Variants in DCC observed in about 807,000 individuals in gnomAD.
The protein encoded by DCC is netrin receptor DCC.
DCC carries 58 observed loss-of-function variants against 172.5 expected under a neutral mutation model. The ratio of observed to expected loss-of-function variants is 0.34; its 90% CI spans 0.27 to 0.42. The LOEUF is 0.42. DCC is among the 10% of genes least tolerant of loss of function. The pLI, the probability that DCC is intolerant of heterozygous loss-of-function variation, is 1.00. For synonymous variants in DCC, 709 were observed against 644.5 expected (o/e 1.10, Z -1.52); for missense variants, 1,740 against 1,791.0 (o/e 0.97, Z 0.51).
At chr18:53,230,925 T>G (rs1416581332) in intron 12 of DCC, among the ~76,000 whole-genome samples, 1 of 152,096 alleles carries the variant, frequency 6.6e-6, no homozygotes. Flanking sequence ...GTTTGAAGTC[T>G]ACTTTTCCTT....
chr18:53,380,786 T>C (rs1222522755), intron 15 of DCC, among the ~76,000 whole-genome samples: 1 of 152,190 alleles, frequency 6.6e-6, no homozygotes, highest in Non-Finnish European at 1.5e-5. Flanking sequence ...TCAGGACTCC[T>C]AGCTCTATGG....
intron 15 of DCC, among the ~76,000 whole-genome samples, chr18:53,379,204 C>T (rs1054956038): frequency 3.3e-5 from 5 of 152,260 alleles, no homozygotes; most frequent in African/African-American, 1.2e-4. Context: ...GTTAGCAAAG[C>T]AGCTACCACT....
intron 5 of DCC, among the ~76,000 whole-genome samples, chr18:53,017,020 T>C (rs1247035044): frequency 6.6e-6 from 1 of 152,052 alleles, no homozygotes; most frequent in East Asian, 1.9e-4. Context: ...TTACTCACTT[T>C]AGTTTTATAA....
In DCC at chr18:52,879,412, CTTTTTTTTTTTTTT is replaced by C. The variant is rs71175533; in HGVS notation, c.413-26616_413-26603del. Among the ~76,000 whole-genome samples the C allele has an allele frequency of 6.9e-4, 43 of 62,326 alleles. 1 individual carries two copies. Among genetic ancestry groups the C allele is most frequent in the Middle Eastern group, 0.011 (1 of 90 alleles). 40.9% of individuals were successfully genotyped at this position (62,326 alleles called of 152,430 possible). A position where few individuals can be genotyped will look rare whatever the true frequency, so the allele number is the denominator to read the frequency against. Reference sequence around the variant, plus strand: ...AATTTCTAGCCCATATGTTGTTTGGCTTTTTTTTTTTTTTTTTTTTTTTTTTTTTGAGATGGAGT... The same window carrying C: ...AATTTCTAGCCCATATGTTGTTTGGCTTTTTTTTTTTTTTTGAGATGGAGT... On this transcript the variant is annotated intron_variant, in intron 2 of 28. Coordinates refer to ENST00000442544, the MANE Select transcript of DCC (RefSeq NM_005215.4).
chr18:52,789,753 G>T (rs2037724989), intron 2 of DCC, among the ~76,000 whole-genome samples: 1 of 152,128 alleles, frequency 6.6e-6, no homozygotes, highest in Non-Finnish European at 1.5e-5. Flanking sequence ...ACTCCATTTT[G>T]TTTCCAGCCC....
chr18:52,767,894 T>A (rs1250195868), intron 2 of DCC, among the ~76,000 whole-genome samples: 1 of 152,162 alleles, frequency 6.6e-6, no homozygotes, highest in East Asian at 1.9e-4. Flanking sequence ...AGATAATGCC[T>A]CCCCAGTAAG....
intron 1 of DCC, among the ~76,000 whole-genome samples, chr18:52,721,279 T>A (rs145964005): frequency 5.6e-4 from 86 of 152,362 alleles, no homozygotes; most frequent in African/African-American, 1.9e-3. Flanking sequence ...GCAATCTTTG[T>A]GATTTCAATT....
At position 52,920,467 on chromosome 18, in the gene DCC, A is replaced by G. The variant is rs190703128; in HGVS notation, c.698-3240A>G. 2.5e-3 allele frequency among the ~76,000 whole-genome samples: 375 copies of G among 151,842 alleles called. 2 individuals are homozygous for G. Among genetic ancestry groups the G allele is most frequent in the African/African-American group, 8.8e-3 (366 of 41,398 alleles). Reference sequence around the variant, plus strand: ...TATGTTTAACATATGTCATTAGGCAATTGCAACTTAAAACATCTATTATAT... The same window carrying G: ...TATGTTTAACATATGTCATTAGGCAGTTGCAACTTAAAACATCTATTATAT... On this transcript the variant is annotated intron_variant, in intron 3 of 28. Coordinates refer to ENST00000442544, the MANE Select transcript of DCC (RefSeq NM_005215.4).
rs182141850 is a variant in DCC at position 52,863,067 on chromosome 18, A to G, written c.413-42977A>G. Among the ~76,000 whole-genome samples the G allele has an allele frequency of 5.3e-5, 8 of 152,002 alleles. No individual in the cohort carries two copies. The East Asian group carries it at 1.2e-3, about 22-fold the overall frequency. On this transcript the variant is annotated intron_variant, in intron 2 of 28. Transcript: ENST00000442544. ...TTTATAACCTCTTACAATTTTTCCT[A>G]TTTTCTTTCTTTCCCTTTTTATATT...
chr18:52,381,192 T>C (rs1259076070), intron 1 of DCC, among the ~76,000 whole-genome samples: 3 of 152,142 alleles, frequency 2.0e-5, no homozygotes, highest in South Asian at 2.1e-4. Context: ...GTGATATCAC[T>C]GTGAAATTAT....
At chr18:53,181,823 T>C (rs1025138871) in intron 9 of DCC, among the ~76,000 whole-genome samples, 5 of 152,146 alleles carry the variant, frequency 3.3e-5, no homozygotes, top group Admixed American at 6.6e-5. Flanking sequence ...GGGGAACTTA[T>C]AAGAAGTTGG....
Position 52,652,711 on chromosome 18 carries a change from A to AGTGTGTGTGTGTGTGTGTGTGT in DCC, c.92-99335_92-99314dup, listed in dbSNP as rs71175513. 4.2e-3 allele frequency among the ~76,000 whole-genome samples: 608 copies of AGTGTGTGTGTGTGTGTGTGTGT among 143,412 alleles called. 7 individuals are homozygous for AGTGTGTGTGTGTGTGTGTGTGT. The highest frequency in any genetic ancestry group is 0.014 in the African/African-American group (537 of 37,636). The allele number at this position is 143,412 out of a possible 152,430, so 94.1% of individuals were successfully genotyped here. The stretch of plus-strand genomic sequence containing the variant: ...GTACATTACAACAGGACTGCAATAA[A>AGTGTGTGTGTGTGTGTGTGTGT]GTGTGTGTGTGTGTGTGTGTGTGTG... On this transcript the variant is annotated intron_variant, in intron 1 of 28. Transcript: ENST00000442544.
At chr18:52,618,581 C>T (rs1351543394) in intron 1 of DCC, among the ~76,000 whole-genome samples, 1 of 152,128 alleles carries the variant, frequency 6.6e-6, no homozygotes, top group Non-Finnish European at 1.5e-5. Context: ...ACACCATTTC[C>T]TCCAACATTA....
intron 26 of DCC, among the ~76,000 whole-genome samples, chr18:53,496,941 A>G (rs1598807379): frequency 2.0e-5 from 3 of 152,350 alleles, no homozygotes; most frequent in East Asian, 3.9e-4. Flanking sequence ...GAAGGGAGTA[A>G]AAAAGGAAAT....
intron 2 of DCC, among the ~76,000 whole-genome samples, chr18:52,856,265 A>G (rs937327991): frequency 2.6e-5 from 4 of 152,158 alleles, no homozygotes; most frequent in Non-Finnish European, 5.9e-5. Flanking sequence ...TCATTATTCT[A>G]TTTATGAAGA....
At chr18:52,711,900 A>T (rs2036297942) in intron 1 of DCC, among the ~76,000 whole-genome samples, 1 of 152,030 alleles carries the variant, frequency 6.6e-6, no homozygotes, top group African/African-American at 2.4e-5. Context: ...ACCACTTTCT[A>T]TGTGTACATT....
chr18:53,324,797 C>T (rs1400337252), intron 14 of DCC, among the ~76,000 whole-genome samples: 1 of 152,014 alleles, frequency 6.6e-6, no homozygotes, highest in African/African-American at 2.4e-5. Flanking sequence ...AAGAATTAAG[C>T]TTCAAATTTT....
At chr18:52,365,603 AG>A (rs1398653301) in intron 1 of DCC, among the ~76,000 whole-genome samples, 2 of 151,970 alleles carry the variant, frequency 1.3e-5, no homozygotes, top group East Asian at 3.9e-4. Flanking sequence ...AGAGGGGAGG[AG>A]GGATGCAGCA....
intron 1 of DCC, among the ~76,000 whole-genome samples, chr18:52,672,627 C>A (rs1382608697): frequency 1.3e-5 from 2 of 151,852 alleles, no homozygotes; most frequent in African/African-American, 2.4e-5. Flanking sequence ...TTCCTTCCCT[C>A]CTTCCCTCTT....
Sources: gnomAD v4.1 joint callset for allele counts (sites outside exome capture counted in the v4.1 genomes callset) on GRCh38, gnomAD v4.1.1 for gene constraint, MANE v1.5 for transcripts, NCBI Gene and HGNC (gene_info 2026-07-23, HGNC 2026-07-21) for gene names.